Variants in CSMD3 observed in about 807,000 individuals in gnomAD.
CSMD3 encodes CUB and Sushi multiple domains 3.
A neutral mutation model predicts 435.2 loss-of-function variants in CSMD3; 177 were observed. That is an observed-to-expected ratio of 0.41 (90% CI 0.36 to 0.46). The LOEUF (loss-of-function observed/expected upper bound fraction) is 0.46, where lower values mean the gene tolerates loss of function less well. Among genes scored for constraint, CSMD3 ranks in the 20% least tolerant of loss-of-function variants. The pLI, the probability that CSMD3 is intolerant of heterozygous loss-of-function variation, is 0.34. For synonymous variants in CSMD3, 1,656 were observed against 1,520.5 expected, an observed-to-expected ratio of 1.09 and a Z score of -2.07; for missense variants, 4,265 against 4,504.6, an observed-to-expected ratio of 0.95 and a Z score of 1.52.
At chr8:113,054,019 C>A (rs781510493) in intron 5 of CSMD3, among the ~76,000 whole-genome samples, 22 of 152,070 alleles carry the variant, frequency 1.4e-4, no homozygotes, top group Non-Finnish European at 2.9e-4. Context: ...TCAGCCCTGG[C>A]CTAGTTCTTC....
chr8:112,435,053 C>CA (rs1399821767), intron 32 of CSMD3, among the ~76,000 whole-genome samples: 1 of 152,008 alleles, frequency 6.6e-6, no homozygotes, highest in African/African-American at 2.4e-5. Context: ...CAGCTACACT[C>CA]AGAGTTGGCA....
In CSMD3 at chr8:113,276,834, A is replaced by G. The variant is rs2093574728; in HGVS notation, c.514+1758T>C. Among the ~76,000 whole-genome samples the G allele has an allele frequency of 2.0e-5, 3 of 152,078 alleles. No homozygotes were observed. In the South Asian group the frequency reaches 6.2e-4, roughly 31 times the overall value. ...GTACTATCTGAATGTCAAGTATCCT[A>G]TATTTTAAGTCAGCACATGCCAAAC... On this transcript the variant is annotated intron_variant, in intron 3 of 70. Coordinates refer to ENST00000297405, the MANE Select transcript of CSMD3 (RefSeq NM_198123.2).
chr8:112,759,057 A>G (rs1037044784), intron 13 of CSMD3, among the ~76,000 whole-genome samples: 3 of 152,162 alleles, frequency 2.0e-5, no homozygotes, highest in Admixed American at 1.3e-4. Flanking sequence ...TTTCTATCAG[A>G]GTAATACTGT....
chr8:112,289,341 A>G (rs763485801), intron 57 of CSMD3, 24 bp downstream of exon 57: 6 of 1,598,774 alleles, frequency 3.8e-6, no homozygotes, highest in East Asian at 2.2e-5. Context: ...TCCAACACAT[A>G]TTGTCCAATT....
At chr8:113,083,395 G>T (rs940706637) in intron 5 of CSMD3, among the ~76,000 whole-genome samples, 2 of 151,876 alleles carry the variant, frequency 1.3e-5, no homozygotes, top group Non-Finnish European at 2.9e-5. Context: ...AGCAAAGCTA[G>T]GTAGCTTAAG....
intron 45 of CSMD3, among the ~76,000 whole-genome samples, chr8:112,334,677 A>C (rs1436251052): frequency 6.6e-6 from 1 of 152,194 alleles, no homozygotes; most frequent in East Asian, 1.9e-4. Flanking sequence ...TTAAAACAAA[A>C]ATAAAGAAGA....
At chr8:112,638,974 TCAAA>T in intron 20 of CSMD3, 63 bp from the exon 21 acceptor site, 1 of 1,108,034 alleles carries the variant, frequency 9.0e-7, no homozygotes, top group South Asian at 1.3e-5. Context: ...AGAGTTACTG[TCAAA>T]CTAACTATTA....
At chr8:113,200,844 T>G (rs1363755043) in intron 3 of CSMD3, among the ~76,000 whole-genome samples, 1 of 151,778 alleles carries the variant, frequency 6.6e-6, no homozygotes, top group Non-Finnish European at 1.5e-5. Flanking sequence ...TTCTTTATTA[T>G]TTATGAAGAA....
chr8:112,634,229 A>C (rs2074594659), intron 22 of CSMD3, among the ~76,000 whole-genome samples: 1 of 152,026 alleles, frequency 6.6e-6, no homozygotes, highest in African/African-American at 2.4e-5. Flanking sequence ...TATGTGAATA[A>C]AGACTAAAAT....
At chr8:112,496,536 C>A (rs1821362136) in intron 30 of CSMD3, among the ~76,000 whole-genome samples, 1 of 151,910 alleles carries the variant, frequency 6.6e-6, no homozygotes, top group African/African-American at 2.4e-5. Context: ...TCAGAATAGT[C>A]AAGATTTGGA....
At chr8:112,702,054 T>G (rs2076400125) in intron 13 of CSMD3, among the ~76,000 whole-genome samples, 1 of 152,166 alleles carries the variant, frequency 6.6e-6, no homozygotes, top group Non-Finnish European at 1.5e-5. Flanking sequence ...TCATCTGTCT[T>G]TTTCCCATGA....
intron 3 of CSMD3, among the ~76,000 whole-genome samples, chr8:113,191,081 G>T (rs2092578051): frequency 6.6e-6 from 1 of 151,746 alleles, no homozygotes; most frequent in Middle Eastern, 3.4e-3. Context: ...TTCTTAGTTG[G>T]ATATTTTCTT....
intron 5 of CSMD3, among the ~76,000 whole-genome samples, chr8:113,050,875 C>G (rs1016873016): frequency 6.6e-6 from 1 of 151,994 alleles, no homozygotes; most frequent in Non-Finnish European, 1.5e-5. Flanking sequence ...CCTATTCTTT[C>G]AACTACATAA....
chr8:113,099,785 C>T (rs189717076), intron 4 of CSMD3, among the ~76,000 whole-genome samples: 1,549 of 152,128 alleles, frequency 0.01, 20 homozygotes, highest in Non-Finnish European at 0.012. Context: ...TAAGAAAAAG[C>T]TCCTGTTTCA....
intron 22 of CSMD3, among the ~76,000 whole-genome samples, chr8:112,601,221 GAGCAAT>G: frequency 6.6e-6 from 1 of 152,144 alleles, no homozygotes. Context: ...AAGGTGATAT[GAGCAAT>G]AGCAATAGCT....
chr8:112,535,640 A>G (rs113756151), intron 27 of CSMD3, among the ~76,000 whole-genome samples: 1 of 149,640 alleles, frequency 6.7e-6, no homozygotes, highest in Non-Finnish European at 1.5e-5. Flanking sequence ...CAAGCTACCA[A>G]TGACTTTCTT....
At chr8:113,217,360 A>T (rs2092917121) in intron 3 of CSMD3, among the ~76,000 whole-genome samples, 1 of 151,760 alleles carries the variant, frequency 6.6e-6, no homozygotes, top group Non-Finnish European at 1.5e-5. Context: ...CCGTGATCAG[A>T]CAAAATAGGA....
chr8:112,299,914 G>A (rs1820742801), intron 53 of CSMD3, among the ~76,000 whole-genome samples: 3 of 151,544 alleles, frequency 2.0e-5, no homozygotes, highest in Admixed American at 1.3e-4. Context: ...GTTATGCCCT[G>A]TCTTTCCAGA....
intron 13 of CSMD3, among the ~76,000 whole-genome samples, chr8:112,699,500 C>T (rs925797622): frequency 3.3e-5 from 5 of 152,318 alleles, no homozygotes; most frequent in South Asian, 2.1e-4. Flanking sequence ...TGGCAACCAT[C>T]ACAGTGGTTG....
Sources: gnomAD v4.1 joint callset for allele counts (sites outside exome capture counted in the v4.1 genomes callset) on GRCh38, gnomAD v4.1.1 for gene constraint, MANE v1.5 for transcripts, NCBI Gene and HGNC (gene_info 2026-07-23, HGNC 2026-07-21) for gene names.